CDKAL1: variants seen among roughly 807,000 people sequenced by gnomAD.
CDKAL1 encodes CDKAL1 threonylcarbamoyladenosine tRNA methylthiotransferase, also known as threonylcarbamoyladenosine tRNA methylthiotransferase.
In CDKAL1, 32 loss-of-function variants were observed where a neutral mutation model predicts 68.2. The observed-to-expected ratio is 0.47, with a 90% CI of 0.35 to 0.63. The LOEUF (loss-of-function observed/expected upper bound fraction) is 0.63. Among genes scored for constraint, CDKAL1 ranks in the 30% least tolerant of loss-of-function variants. The pLI, the probability that CDKAL1 is intolerant of heterozygous loss-of-function variation, is 0.00. For missense variants in CDKAL1, 606 were observed against 696.7 expected (o/e 0.87, Z 1.47); for synonymous variants, 234 against 244.3 (o/e 0.96, Z 0.39).
chr6:21,011,728 C>T (rs1212050158), intron 11 of CDKAL1, among the ~76,000 whole-genome samples: 1 of 152,130 alleles, frequency 6.6e-6, no homozygotes, highest in Admixed American at 6.5e-5. Context: ...GAAAGAAATA[C>T]TGAATTTACA....
At chr6:20,913,406 C>T (rs1055370436) in intron 9 of CDKAL1, among the ~76,000 whole-genome samples, 1 of 152,122 alleles carries the variant, frequency 6.6e-6, no homozygotes, top group Non-Finnish European at 1.5e-5. Flanking sequence ...ATGGAAGCTT[C>T]CCTCAGTTTG....
rs570860619 is a variant in CDKAL1, at chr6:20,700,369, A to AT, written c.372-39150_372-39149insT. 2.9e-3 allele frequency among the ~76,000 whole-genome samples: 437 copies of AT among 149,946 alleles called. 3 individuals carry two copies. Among genetic ancestry groups the AT allele is most frequent in the African/African-American group, 7.2e-3 (290 of 40,448 alleles). ...AAACTCCATCTCAAAAAAAAAAAAAAAAATAAATAAAAGTTAAACTGAATG... is the reference window on the plus strand; with the variant it reads ...AAACTCCATCTCAAAAAAAAAAAAAATAAATAAATAAAAGTTAAACTGAATG... On this transcript the variant is annotated intron_variant, in intron 5 of 15. Coordinates refer to ENST00000274695, the MANE Select transcript of CDKAL1 (RefSeq NM_017774.3).
chr6:20,946,154 G>A (rs1764226123), intron 9 of CDKAL1, among the ~76,000 whole-genome samples: 1 of 152,124 alleles, frequency 6.6e-6, no homozygotes, highest in Non-Finnish European at 1.5e-5. Context: ...CCTGCCCTGT[G>A]AGCTTGAGCC....
intron 11 of CDKAL1, among the ~76,000 whole-genome samples, chr6:21,017,559 A>C (rs1768413865): frequency 6.6e-6 from 1 of 152,236 alleles, no homozygotes; most frequent in South Asian, 2.1e-4. Flanking sequence ...ACAGCCTGCT[A>C]CTGGAAGTTT....
chr6:21,010,938 T>C (rs1033086588), intron 11 of CDKAL1, among the ~76,000 whole-genome samples: 3 of 149,290 alleles, frequency 2.0e-5, no homozygotes, highest in East Asian at 2.0e-4. Context: ...AAAAATTAGC[T>C]GGGCATGGTG....
chr6:21,120,817 A>G (rs562432287), intron 13 of CDKAL1, among the ~76,000 whole-genome samples: 27 of 152,328 alleles, frequency 1.8e-4, no homozygotes, highest in African/African-American at 3.6e-4. Context: ...TATATTATAT[A>G]CCAGTTATTC....
chr6:20,645,098 C>T (rs1407579236), intron 4 of CDKAL1, among the ~76,000 whole-genome samples: 2 of 152,076 alleles, frequency 1.3e-5, no homozygotes, highest in African/African-American at 4.8e-5. Context: ...TAAAATGGTG[C>T]ACCTGTCTAA....
At chr6:21,098,936 C>A (rs1773449568) in intron 12 of CDKAL1, among the ~76,000 whole-genome samples, 1 of 152,104 alleles carries the variant, frequency 6.6e-6, no homozygotes. Context: ...AAATTTGATT[C>A]CCTGAGCAGT....
chr6:21,110,978 A>T (rs1554182762), intron 13 of CDKAL1, among the ~76,000 whole-genome samples: 1 of 151,448 alleles, frequency 6.6e-6, no homozygotes, highest in Non-Finnish European at 1.5e-5. Context: ...CTAAAAGAAC[A>T]TTTTTTTTTA....
chr6:21,213,102 C>G (rs1297459847), intron 15 of CDKAL1, among the ~76,000 whole-genome samples: 1 of 148,094 alleles, frequency 6.8e-6, no homozygotes, highest in African/African-American at 2.5e-5. Context: ...GTAGCCCTTA[C>G]GCACATCAGG....
intron 12 of CDKAL1, among the ~76,000 whole-genome samples, chr6:21,094,247 A>G (rs1026539883): frequency 1.3e-5 from 2 of 152,176 alleles, no homozygotes; most frequent in Non-Finnish European, 1.5e-5. Flanking sequence ...GTAGTAAGAA[A>G]TTACCAATAG....
chr6:21,058,328 T>C (rs1770948648), intron 11 of CDKAL1, among the ~76,000 whole-genome samples: 1 of 152,236 alleles, frequency 6.6e-6, no homozygotes, highest in Admixed American at 6.5e-5. Flanking sequence ...TAAACTAGGA[T>C]TGCAGTCCTT....
chr6:20,570,983 C>A (rs1262549757), intron 4 of CDKAL1, among the ~76,000 whole-genome samples: 1 of 152,086 alleles, frequency 6.6e-6, no homozygotes, highest in Non-Finnish European at 1.5e-5. Flanking sequence ...TTAAAAAATT[C>A]TCCCCAAATA....
intron 10 of CDKAL1, among the ~76,000 whole-genome samples, chr6:20,965,390 T>G (rs1765257038): frequency 9.5e-6 from 1 of 105,572 alleles, no homozygotes; most frequent in South Asian, 3.8e-4. Flanking sequence ...AACTGCACTC[T>G]GGTCTGAGCA....
At chr6:20,556,407 T>C (rs528608155) in intron 4 of CDKAL1, among the ~76,000 whole-genome samples, 2 of 151,698 alleles carry the variant, frequency 1.3e-5, no homozygotes, top group Non-Finnish European at 2.9e-5. Context: ...TAGATAGCAG[T>C]GTCAGCAGAG....
intron 10 of CDKAL1, among the ~76,000 whole-genome samples, chr6:20,987,126 T>C (rs1328347172): frequency 6.6e-6 from 1 of 152,224 alleles, no homozygotes; most frequent in East Asian, 1.9e-4. Context: ...TTTATGTTTG[T>C]GTTTGGGGTT....
At chr6:21,130,744 A>G (rs1016615706) in intron 13 of CDKAL1, among the ~76,000 whole-genome samples, 1 of 152,186 alleles carries the variant, frequency 6.6e-6, no homozygotes, top group African/African-American at 2.4e-5. Flanking sequence ...GGAAAGCCAC[A>G]GTAGACTAGG....
intron 10 of CDKAL1, among the ~76,000 whole-genome samples, chr6:20,965,729 T>C (rs1765275183): frequency 1.3e-5 from 2 of 152,208 alleles, no homozygotes. Context: ...AATCCTTAAT[T>C]TCACCCGGAG....
At chr6:21,211,104 GT>G (rs954523162) in intron 15 of CDKAL1, among the ~76,000 whole-genome samples, 2 of 152,198 alleles carry the variant, frequency 1.3e-5, no homozygotes, top group African/African-American at 4.8e-5. Flanking sequence ...TGTGGAGAGG[GT>G]TTTCAGACAA....
Sources: allele counts gnomAD v4.1 joint callset (sites outside exome capture counted in the v4.1 genomes callset), GRCh38; gene constraint gnomAD v4.1.1; transcripts MANE v1.5; gene names NCBI Gene and HGNC (gene_info 2026-07-23, HGNC 2026-07-21).